Variants in CD53 observed in about 807,000 individuals in gnomAD.
CD53 encodes leukocyte surface antigen CD53.
A neutral mutation model predicts 27.3 loss-of-function variants in CD53; 20 were observed. That is an observed-to-expected ratio of 0.73 (90% CI 0.52 to 1.07). The LOEUF is 1.07. Among genes scored for constraint, CD53 ranks in the 50% least tolerant of loss-of-function variants. The probability of loss-of-function intolerance (pLI) is 0.00; values close to 1 mark genes in which losing one functional copy is unlikely to be tolerated. For missense variants in CD53, 216 were observed against 264.0 expected (o/e 0.82, Z 1.26); for synonymous variants, 106 against 105.3 (o/e 1.01, Z -0.04).
At chr1:110,872,682 G>A (rs1316724479), upstream of CD53, among the ~76,000 whole-genome samples, 1 of 152,188 alleles carries the variant, frequency 6.6e-6, no homozygotes, top group African/African-American at 2.4e-5. Context: ...GAGGGAGTAT[G>A]AGGAGGGGGC....
chr1:110,895,117 G>A, intron 5 of CD53, 62 bp downstream of exon 5: 1 of 1,210,132 alleles, frequency 8.3e-7, no homozygotes, highest in Non-Finnish European at 1.2e-6. Flanking sequence ...CTAAATCCTT[G>A]GGGGCTAGTT....
intron 1 of CD53, among the ~76,000 whole-genome samples, chr1:110,874,350 G>A (rs1216772258): frequency 3.3e-5 from 5 of 152,182 alleles, no homozygotes; most frequent in Non-Finnish European, 7.3e-5. Context: ...CAAGTGGTAG[G>A]TGCCTCCTGA....
chr1:110,886,891 TC>T (rs1179478600), intron 1 of CD53, among the ~76,000 whole-genome samples: 1 of 141,758 alleles, frequency 7.1e-6, no homozygotes, highest in Non-Finnish European at 1.6e-5. Flanking sequence ...TGTCTGTGTT[TC>T]TTTGAGGATA....
chr1:110,877,683 G>A (rs551887096), intron 1 of CD53, among the ~76,000 whole-genome samples: 2 of 152,052 alleles, frequency 1.3e-5, no homozygotes, highest in Admixed American at 6.5e-5. Flanking sequence ...CCCTAACAGC[G>A]ACCTAGAAGA....
chr1:110,891,398 A>G lies in CD53; in HGVS notation c.-11A>G. 6.2e-7 allele frequency: 1 copy of G among 1,610,910 alleles called. No homozygotes were observed. Among genetic ancestry groups the G allele is most frequent in the South Asian group, 1.1e-5 (1 of 91,028 alleles). On this transcript the variant is annotated 5_prime_UTR_variant, in exon 2 of 8. Coordinates refer to ENST00000271324, the MANE Select transcript of CD53 (RefSeq NM_000560.4). ...CTTCTTCCTTATTCCTTAGGGCAAG[A>G]ATATCACGGCATGGGCATGAGTAGC...
Position 110,882,176 on chromosome 1 carries a change from G to T in CD53, c.-18+8928G>T, listed in dbSNP as rs565249226. On this transcript the variant is annotated intron_variant, in intron 1 of 7. Transcript: ENST00000271324. Reference sequence around the variant, plus strand: ...TTGGTGTCTTATCTGAGAACTCTTTGCATAACCAAGGTTGCAAATATTTCC... The same window carrying T: ...TTGGTGTCTTATCTGAGAACTCTTTTCATAACCAAGGTTGCAAATATTTCC... Among the ~76,000 whole-genome samples the T allele has an allele frequency of 3.9e-5, 6 of 152,124 alleles. No individual in the cohort carries two copies. In the South Asian group the frequency reaches 1.2e-3, roughly 32 times the overall value.
chr1:110,879,173 G>T (rs866205203), intron 1 of CD53, among the ~76,000 whole-genome samples: 3 of 152,180 alleles, frequency 2.0e-5, no homozygotes, highest in Non-Finnish European at 4.4e-5. Context: ...GGACTGGTAG[G>T]TAAGGTCTGA....
intron 3 of CD53, 144 bp downstream of exon 3, chr1:110,892,677 C>A: frequency 2.8e-6 from 2 of 704,918 alleles, no homozygotes; most frequent in Non-Finnish European, 4.9e-6. Flanking sequence ...CAAGTCTGCC[C>A]AGACCAATAG....
intron 1 of CD53, among the ~76,000 whole-genome samples, chr1:110,879,177 G>C (rs540005356): frequency 1.3e-5 from 2 of 152,248 alleles, no homozygotes; most frequent in Admixed American, 6.5e-5. Context: ...TGGTAGGTAA[G>C]GTCTGAACTT....
intron 1 of CD53, among the ~76,000 whole-genome samples, chr1:110,890,332 C>T (rs896098275): frequency 6.6e-5 from 10 of 152,088 alleles, no homozygotes; most frequent in African/African-American, 1.4e-4. Flanking sequence ...TTTGGGAGGC[C>T]GAGGCAGGCG....
intron 1 of CD53, among the ~76,000 whole-genome samples, chr1:110,885,706 C>T (rs926849313): frequency 4.0e-5 from 6 of 150,392 alleles, no homozygotes; most frequent in African/African-American, 1.5e-4. Context: ...CTACTAAAAA[C>T]ACAAAAAATT....
chr1:110,883,886 A>T (rs1115132), intron 1 of CD53, among the ~76,000 whole-genome samples: 33,474 of 151,752 alleles, frequency 0.22, 4,052 homozygotes, highest in East Asian at 0.32. Context: ...TGTTCTCTCA[A>T]TCCTAATATT....
chr1:110,889,243 T>C (rs1656749794), intron 1 of CD53, among the ~76,000 whole-genome samples: 1 of 152,130 alleles, frequency 6.6e-6, no homozygotes, highest in Admixed American at 6.6e-5. Flanking sequence ...TCACTCCTGA[T>C]AAACAGAGTA....
rs539841497 is a variant in CD53 at position 110,885,173 on chromosome 1, T to C, written c.-17-6219T>C. ...TTCTCCCTTCCCAGTCTCTACACTA[T>C]TATTATCATAAAGTTTACTTTTACA... is the stretch of plus-strand genomic sequence containing the variant. On this transcript the variant is annotated intron_variant, in intron 1 of 7. Transcript: ENST00000271324. 4.6e-5 allele frequency among the ~76,000 whole-genome samples: 7 copies of C among 152,336 alleles called. No homozygotes were observed. The South Asian group carries it at 1.2e-3, about 27-fold the overall frequency.
At chr1:110,897,035 A>T (rs1389848548) in intron 6 of CD53, among the ~76,000 whole-genome samples, 1 of 152,228 alleles carries the variant, frequency 6.6e-6, no homozygotes, top group Non-Finnish European at 1.5e-5. Context: ...AGCAAGAAGT[A>T]GGTCTCCTTA....
chr1:110,893,025 C>CT (rs1297876419), intron 3 of CD53, among the ~76,000 whole-genome samples: 1 of 152,198 alleles, frequency 6.6e-6, no homozygotes, highest in Non-Finnish European at 1.5e-5. Context: ...TAGGTGAGGG[C>CT]TCTGGCTGCA....
At chr1:110,880,973 A>C (rs1377664086) in intron 1 of CD53, among the ~76,000 whole-genome samples, 1 of 152,186 alleles carries the variant, frequency 6.6e-6, no homozygotes, top group Non-Finnish European at 1.5e-5. Flanking sequence ...GAAAAGAGAA[A>C]ATTTCAGCAA....
intron 1 of CD53, among the ~76,000 whole-genome samples, chr1:110,883,842 CTT>C (rs1334899144): frequency 1.3e-5 from 2 of 151,954 alleles, no homozygotes; most frequent in Admixed American, 6.5e-5. Context: ...ATTATATTGA[CTT>C]ATATTTTTGA....
intron 1 of CD53, among the ~76,000 whole-genome samples, chr1:110,873,931 A>C (rs1656035792): frequency 6.6e-6 from 1 of 152,212 alleles, no homozygotes; most frequent in Non-Finnish European, 1.5e-5. Flanking sequence ...CCACTGATAA[A>C]TGTCACATGA....
Sources: allele counts gnomAD v4.1 joint callset (sites outside exome capture counted in the v4.1 genomes callset), GRCh38; gene constraint gnomAD v4.1.1; transcripts MANE v1.5; gene names NCBI Gene and HGNC (gene_info 2026-07-23, HGNC 2026-07-21).